ZNF280D: variants seen among roughly 807,000 people sequenced by gnomAD.
The protein encoded by ZNF280D is suppressor of hairy wing homolog 4.
A neutral mutation model predicts 94.7 loss-of-function variants in ZNF280D; 39 were observed. The observed-to-expected ratio is 0.41, with a 90% CI of 0.32 to 0.54. The LOEUF (loss-of-function observed/expected upper bound fraction) is 0.54, where lower values mean the gene tolerates loss of function less well. ZNF280D is among the 20% of genes least tolerant of loss of function. ZNF280D has a pLI of 0.22. For synonymous variants in ZNF280D, 398 were observed against 377.6 expected, an observed-to-expected ratio of 1.05 and a Z score of -0.63; for missense variants, 1,090 against 1,149.3, an observed-to-expected ratio of 0.95 and a Z score of 0.75.
intron 9 of ZNF280D, 32 bp downstream of exon 9, chr15:56,689,009 T>A (rs1486516170): frequency 6.7e-7 from 1 of 1,492,964 alleles, no homozygotes; most frequent in African/African-American, 1.4e-5. Flanking sequence ...ATGTGCAAAC[T>A]TTTTACAAAT....
chr15:56,668,099 A>T (rs2054417706), intron 14 of ZNF280D: 1 of 452,084 alleles, frequency 2.2e-6, no homozygotes, highest in Non-Finnish European at 4.4e-6. Context: ...ATGGCTTTAT[A>T]TTGTTTTAGT....
rs770688279 is a variant in ZNF280D, at chr15:56,654,462, T to C, written c.2099A>G (p.Asp700Gly). Reference sequence around the variant, plus strand: ...AGCCATATTATCTAAGCCAGAAACATCACTTAGGAAATCACAATTAAGGCA... The same window carrying C: ...AGCCATATTATCTAAGCCAGAAACACCACTTAGGAAATCACAATTAAGGCA... The part of the protein sequence containing the change: ...LVCLNCDFLS[D>G]VSGLDNMATH... Residue 700 changes from aspartate (D) to glycine (G), a missense_variant, in exon 18 of 22, where the codon GAT (aspartate) becomes GGT (glycine). Around this residue, in one of 3 missense-constraint regions of ZNF280D, gnomAD observed 577 missense variants for 568.8 expected, o/e 1.01. Transcript: ENST00000267807. The C allele has an allele frequency of 1.9e-6, 3 of 1,609,294 alleles. No homozygotes were observed. The highest frequency in any genetic ancestry group is 2.2e-5 in the South Asian group (2 of 90,028).
chr15:56,653,316 C>G (rs1217366328), intron 19 of ZNF280D: 1 of 1,244,012 alleles, frequency 8.0e-7, no homozygotes, highest in Non-Finnish European at 1.0e-6. Flanking sequence ...GACTCATAAG[C>G]TTAAGATCAT....
intron 1 of ZNF280D, among the ~76,000 whole-genome samples, chr15:56,724,168 C>CA (rs766717521): frequency 6.6e-6 from 1 of 152,064 alleles, no homozygotes; most frequent in Non-Finnish European, 1.5e-5. Flanking sequence ...ATCATAAAGT[C>CA]AAAAAAACTT....
intron 1 of ZNF280D, among the ~76,000 whole-genome samples, 197 bp downstream of exon 1, chr15:56,733,261 C>G (rs561098225): frequency 1.1e-4 from 16 of 152,182 alleles, no homozygotes; most frequent in South Asian, 6.2e-4. Flanking sequence ...CCTCCTCCCC[C>G]GCCTGGGCCG....
At chr15:56,711,082 C>A (rs2057735516) in intron 1 of ZNF280D, among the ~76,000 whole-genome samples, 1 of 152,080 alleles carries the variant, frequency 6.6e-6, no homozygotes. Flanking sequence ...CATTTAGTAA[C>A]CATGAAGAGT....
intron 17 of ZNF280D, among the ~76,000 whole-genome samples, chr15:56,656,557 A>G (rs1428280978): frequency 6.6e-6 from 1 of 152,200 alleles, no homozygotes; most frequent in Non-Finnish European, 1.5e-5. Flanking sequence ...TTATTTCCCT[A>G]GATTCAGTAA....
intron 1 of ZNF280D, among the ~76,000 whole-genome samples, chr15:56,708,513 C>T (rs1328283364): frequency 5.3e-5 from 8 of 152,158 alleles, no homozygotes; most frequent in African/African-American, 1.9e-4. Flanking sequence ...TGGACTCATA[C>T]ATAATGTTTT....
chr15:56,706,780 A>T (rs377565864), intron 3 of ZNF280D, among the ~76,000 whole-genome samples: 1 of 152,298 alleles, frequency 6.6e-6, no homozygotes, highest in Non-Finnish European at 1.5e-5. Context: ...AAAAAAATTT[A>T]AGACATAATA....
intron 6 of ZNF280D, chr15:56,699,678 A>T (rs2056943969): frequency 1.4e-6 from 1 of 723,344 alleles, no homozygotes; most frequent in African/African-American, 1.9e-5. Flanking sequence ...CAACAAAAAA[A>T]AATCAGGTAG....
Position 56,645,720 on chromosome 15 carries a change from T to C in ZNF280D, c.2214-2723A>G, listed in dbSNP as rs372785211. 3.5e-4 allele frequency among the ~76,000 whole-genome samples: 54 copies of C among 152,240 alleles called. No individual in the cohort carries two copies. The South Asian group carries it at 8.1e-3, about 23-fold the overall frequency. On this transcript the variant is annotated intron_variant, in intron 19 of 21. Transcript: ENST00000267807. ...TGCCACCATGCCTGGCTAATTTTTG[T>C]ATTTTTAGTAGACACGGGGTTTCAT...
rs75724572 is a variant in ZNF280D, at chr15:56,676,558, C to T, written c.1410+112G>A. On this transcript the variant is annotated intron_variant, in intron 13 of 21. Transcript: ENST00000267807. ...AACTTGAAGTGTAAATTAATAGTGT[C>T]ATTTGGAACAACTCTGCTTCTCTTG... 1.1e-3 allele frequency: 1,042 copies of T among 910,678 alleles called. 7 individuals are homozygous for T. In the African/African-American group the frequency reaches 0.015, roughly 14 times the overall value. The allele number at this position is 910,678 out of a possible 1,614,324, so 56.4% of individuals were successfully genotyped here.
At chr15:56,721,525 G>A (rs1341821721) in intron 1 of ZNF280D, among the ~76,000 whole-genome samples, 1 of 152,094 alleles carries the variant, frequency 6.6e-6, no homozygotes, top group African/African-American at 2.4e-5. Context: ...ATTATCTTAG[G>A]TAGATCTCAT....
At position 56,631,409 on chromosome 15, in the gene ZNF280D, T is replaced by C; in HGVS notation, c.*89A>G. ...GACCTCCCTTACATATTTCCATTTC[T>C]GAACCTACAACAGCACCACTGAGCT... is the stretch of plus-strand genomic sequence containing the variant. On this transcript the variant is annotated 3_prime_UTR_variant, in exon 22 of 22. Coordinates refer to ENST00000267807, the MANE Select transcript of ZNF280D (RefSeq NM_017661.4). 1 of 1,403,496 alleles carries C rather than the reference T, an allele frequency of 7.1e-7. No individual in the cohort carries two copies. Among genetic ancestry groups the C allele is most frequent in the Non-Finnish European group, 9.8e-7 (1 of 1,024,536 alleles). The allele number at this position is 1,403,496 out of a possible 1,614,324, so 86.9% of individuals were successfully genotyped here.
chr15:56,630,592 T>C lies in ZNF280D; in HGVS notation c.*906A>G, dbSNP rs1461827910. 1.3e-5 allele frequency: 2 copies of C among 152,184 alleles called. No individual in the cohort carries two copies. Among genetic ancestry groups the C allele is most frequent in the African/African-American group, 4.8e-5 (2 of 41,454 alleles). The allele number at this position is 152,184 out of a possible 1,614,324, so 9.4% of individuals were successfully genotyped here. A position where few individuals can be genotyped will look rare whatever the true frequency, so the allele number is the denominator to read the frequency against. On this transcript the variant is annotated 3_prime_UTR_variant, in exon 22 of 22. Transcript: ENST00000267807. ...ATGTTTTCAGTTTACTGCTTTACAA[T>C]ATCTACATTATACCATACTTTGGTT...
At chr15:56,695,076 G>C (rs2056666836) in intron 6 of ZNF280D, among the ~76,000 whole-genome samples, 1 of 152,170 alleles carries the variant, frequency 6.6e-6, no homozygotes, top group East Asian at 1.9e-4. Flanking sequence ...TTGTGTGTGT[G>C]TGTGTGTGTG....
intron 7 of ZNF280D, among the ~76,000 whole-genome samples, chr15:56,690,371 G>A (rs969897060): frequency 2.6e-5 from 4 of 152,102 alleles, no homozygotes; most frequent in Non-Finnish European, 5.9e-5. Flanking sequence ...AACAGAGCAA[G>A]ACTCTGTCTC....
intron 19 of ZNF280D, among the ~76,000 whole-genome samples, chr15:56,649,851 A>G (rs1297699989): frequency 1.3e-5 from 2 of 152,158 alleles, no homozygotes; most frequent in African/African-American, 4.8e-5. Flanking sequence ...TTATAGAAAA[A>G]GGCTGCCATT....
Position 56,692,795 on chromosome 15 carries a change from A to G in ZNF280D, c.499+303T>C, listed in dbSNP as rs549169331. 2.6e-5 allele frequency among the ~76,000 whole-genome samples: 4 copies of G among 152,226 alleles called. No homozygotes were observed. The South Asian group carries it at 6.2e-4, about 24-fold the overall frequency. The stretch of plus-strand genomic sequence containing the variant: ...CTTTTTTAAACAGAGTATTCAGGCT[A>G]CCTGAGAAGTTCTCTAACTCACAGA... On this transcript the variant is annotated intron_variant, in intron 7 of 21. Transcript: ENST00000267807.
Sources: allele counts gnomAD v4.1 joint callset (sites outside exome capture counted in the v4.1 genomes callset), GRCh38; gene constraint gnomAD v4.1.1; regional missense constraint gnomAD v4.1.1; transcripts MANE v1.5; gene names NCBI Gene and HGNC (gene_info 2026-07-23, HGNC 2026-07-21).